The following PCDH15 variants were observed in gnomAD, a reference collection of about 807,000 sequenced individuals.
PCDH15 encodes protocadherin-15.
In PCDH15, 129 loss-of-function variants were observed where a neutral mutation model predicts 178.5. The ratio of observed to expected loss-of-function variants is 0.72; its 90% CI spans 0.63 to 0.84. The LOEUF is 0.84. PCDH15 is among the 40% of genes least tolerant of loss of function. PCDH15 has a pLI of 0.00. For synonymous variants in PCDH15, 800 were observed against 732.0 expected, an observed-to-expected ratio of 1.09 and a Z score of -1.50; for missense variants, 2,230 against 2,099.9, an observed-to-expected ratio of 1.06 and a Z score of -1.21.
chr10:55,047,545 A>C (rs569700983), intron 2 of PCDH15, among the ~76,000 whole-genome samples: 1 of 151,984 alleles, frequency 6.6e-6, no homozygotes, highest in East Asian at 1.9e-4. Flanking sequence ...AAAAATAAGC[A>C]ACAAATAAAG....
At chr10:55,051,892 A>G (rs946724603) in intron 2 of PCDH15, among the ~76,000 whole-genome samples, 1 of 152,160 alleles carries the variant, frequency 6.6e-6, no homozygotes, top group African/African-American at 2.4e-5. Flanking sequence ...TTGGTTTCTC[A>G]TTATGTTTCT....
intron 2 of PCDH15, among the ~76,000 whole-genome samples, chr10:55,113,387 T>A (rs1448170104): frequency 6.6e-6 from 1 of 151,990 alleles, no homozygotes; most frequent in Non-Finnish European, 1.5e-5. Flanking sequence ...TTTTAAGAGC[T>A]TAGGTTTTTA....
At chr10:55,243,125 T>C (rs1241294274) in intron 1 of PCDH15, among the ~76,000 whole-genome samples, 2 of 152,066 alleles carry the variant, frequency 1.3e-5, no homozygotes, top group South Asian at 2.1e-4. Context: ...CAAAGAAACT[T>C]TGTCTGAAAA....
intron 2 of PCDH15, among the ~76,000 whole-genome samples, chr10:55,491,357 T>C (rs1048466040): frequency 1.3e-5 from 2 of 151,752 alleles, no homozygotes; most frequent in Non-Finnish European, 1.5e-5. Context: ...CCCACCCAGC[T>C]TGTCCACGTA....
intron 2 of PCDH15, among the ~76,000 whole-genome samples, chr10:55,544,077 G>A (rs1841821578): frequency 7.0e-6 from 1 of 143,202 alleles, no homozygotes; most frequent in Non-Finnish European, 1.5e-5. Flanking sequence ...ACGGAACCAG[G>A]TAAGATGCAG....
chr10:54,531,970 A>G (rs1178203804), intron 2 of PCDH15, among the ~76,000 whole-genome samples: 1 of 152,162 alleles, frequency 6.6e-6, no homozygotes, highest in Non-Finnish European at 1.5e-5. Flanking sequence ...CATTTTACCC[A>G]TGTTTCTAGC....
At chr10:54,024,564 A>G (rs1394336031) in intron 18 of PCDH15, among the ~76,000 whole-genome samples, 3 of 152,170 alleles carry the variant, frequency 2.0e-5, no homozygotes, top group Non-Finnish European at 4.4e-5. Flanking sequence ...CAGTGCTCCT[A>G]TATGTCATAA....
At chr10:54,185,535 A>G (rs2133821137) in intron 11 of PCDH15, among the ~76,000 whole-genome samples, 1 of 152,212 alleles carries the variant, frequency 6.6e-6, no homozygotes, top group South Asian at 2.1e-4. Context: ...GAAAAACAGA[A>G]AGAATATAAA....
chr10:53,843,213 A>T (rs1030487648), intron 28 of PCDH15, among the ~76,000 whole-genome samples: 33 of 152,150 alleles, frequency 2.2e-4, no homozygotes, highest in African/African-American at 7.7e-4. Context: ...ATATCTTATG[A>T]TAAAAAGAGA....
At chr10:55,031,322 C>T (rs897622746) in intron 2 of PCDH15, among the ~76,000 whole-genome samples, 4 of 152,156 alleles carry the variant, frequency 2.6e-5, no homozygotes, top group Non-Finnish European at 5.9e-5. Context: ...GACCTCAGTA[C>T]ATTGTATTCA....
rs377167859 is a variant in PCDH15, at chr10:55,289,324, C to T, written c.-156+30275G>A. On this transcript the variant is annotated intron_variant, in intron 1 of 5. Coordinates refer to the PCDH15 transcript ENST00000458638. The stretch of plus-strand genomic sequence containing the variant: ...TCTAGAATGTGGAAGTTAAGAACTG[C>T]CTGTTTAATAAAATCATCTTGAAAC... 1.9e-4 allele frequency among the ~76,000 whole-genome samples: 29 copies of T among 151,140 alleles called. No individual in the cohort carries two copies. In the East Asian group the frequency reaches 3.1e-3, roughly 16 times the overall value.
chr10:53,906,076 ATGAATTT>A (rs1454504008), intron 25 of PCDH15, among the ~76,000 whole-genome samples: 2 of 152,114 alleles, frequency 1.3e-5, no homozygotes, highest in Admixed American at 1.3e-4. Context: ...ATACTGTATC[ATGAATTT>A]TGAAATTTAT....
At chr10:55,063,078 T>C (rs1564761169) in intron 2 of PCDH15, among the ~76,000 whole-genome samples, 1 of 152,132 alleles carries the variant, frequency 6.6e-6, no homozygotes, top group Non-Finnish European at 1.5e-5. Context: ...ATTCAAATTG[T>C]CCAAGGGAAC....
intron 3 of PCDH15, among the ~76,000 whole-genome samples, chr10:54,890,472 TG>T (rs1278049867): frequency 6.6e-6 from 1 of 152,040 alleles, no homozygotes; most frequent in African/African-American, 2.4e-5. Flanking sequence ...AGTCTACAGA[TG>T]GCAATTTCTA....
chr10:55,427,108 C>T (rs2132052510), intron 2 of PCDH15, among the ~76,000 whole-genome samples: 1 of 152,262 alleles, frequency 6.6e-6, no homozygotes, highest in Non-Finnish European at 1.5e-5. Flanking sequence ...CGCCAGAGAC[C>T]TGCCCTCATC....
intron 8 of PCDH15, among the ~76,000 whole-genome samples, chr10:54,287,029 C>A (rs11004203): frequency 0.52 from 79,466 of 152,030 alleles, 21,663 homozygotes; most frequent in African/African-American, 0.63. Context: ...AAAAACAAAC[C>A]AGTAGCATAA....
intron 1 of PCDH15, among the ~76,000 whole-genome samples, chr10:54,666,608 A>T (rs1205002704): frequency 1.3e-5 from 2 of 152,056 alleles, no homozygotes; most frequent in Non-Finnish European, 2.9e-5. Flanking sequence ...CATGACATTA[A>T]GAAATAAAAC....
intron 13 of PCDH15, among the ~76,000 whole-genome samples, chr10:54,167,869 C>T (rs573230984): frequency 2.6e-5 from 4 of 151,468 alleles, no homozygotes; most frequent in South Asian, 2.1e-4. Context: ...ATTTCTGTGC[C>T]CCATCCCTTA....
intron 2 of PCDH15, among the ~76,000 whole-genome samples, chr10:55,004,547 T>C (rs933563795): frequency 6.6e-6 from 1 of 152,166 alleles, no homozygotes; most frequent in African/African-American, 2.4e-5. Context: ...CCTATCATGA[T>C]TGTCTTACCC....
Sources: allele counts gnomAD v4.1 joint callset (sites outside exome capture counted in the v4.1 genomes callset), GRCh38; gene constraint gnomAD v4.1.1; transcripts MANE v1.5; gene names NCBI Gene and HGNC (gene_info 2026-07-23, HGNC 2026-07-21).